ST6GALNAC3: variants seen among roughly 807,000 people sequenced by gnomAD.
ST6GALNAC3 encodes the protein ST6 N-acetylgalactosaminide alpha-2,6-sialyltransferase 3.
ST6GALNAC3 carries 25 observed loss-of-function variants against 32.7 expected under a neutral mutation model. The ratio of observed to expected loss-of-function variants is 0.76; its 90% CI spans 0.56 to 1.07. The LOEUF is 1.07. Ranked by LOEUF, ST6GALNAC3 falls within the 50% of genes least tolerant of loss-of-function variation. The probability of loss-of-function intolerance (pLI) is 0.00; values close to 1 mark genes in which losing one functional copy is unlikely to be tolerated. For missense variants in ST6GALNAC3, 355 were observed against 382.4 expected (o/e 0.93, Z 0.60); for synonymous variants, 129 against 133.1 (o/e 0.97, Z 0.21).
intron 3 of ST6GALNAC3, among the ~76,000 whole-genome samples, chr1:76,499,522 C>T (rs560807933): frequency 1.6e-3 from 236 of 152,230 alleles, no homozygotes; most frequent in Non-Finnish European, 2.4e-3. Flanking sequence ...GCAGCTTCCA[C>T]GTTCTCGGTT....
At chr1:76,309,027 T>C (rs1055564108) in intron 1 of ST6GALNAC3, among the ~76,000 whole-genome samples, 6 of 152,220 alleles carry the variant, frequency 3.9e-5, no homozygotes, top group Admixed American at 2.0e-4. Flanking sequence ...TGGAATGCCC[T>C]TCACATCTTC....
chr1:76,482,393 A>G (rs1659783507), intron 3 of ST6GALNAC3, among the ~76,000 whole-genome samples: 1 of 152,194 alleles, frequency 6.6e-6, no homozygotes, highest in Non-Finnish European at 1.5e-5. Context: ...GAGTATTTTT[A>G]ACACCACAAC....
chr1:76,080,898 A>G (rs1263361898), intron 1 of ST6GALNAC3, among the ~76,000 whole-genome samples: 1 of 152,176 alleles, frequency 6.6e-6, no homozygotes, highest in Non-Finnish European at 1.5e-5. Context: ...GCCTGGCCTA[A>G]TTTCCAGTCT....
chr1:76,423,097 G>A (rs774584539), intron 3 of ST6GALNAC3, among the ~76,000 whole-genome samples: 1 of 151,888 alleles, frequency 6.6e-6, no homozygotes. Context: ...TTGCTCATTA[G>A]GTATTTATTA....
chr1:76,307,961 T>C (rs1661165156), intron 1 of ST6GALNAC3: 2 of 508,126 alleles, frequency 3.9e-6, no homozygotes, highest in Admixed American at 2.0e-5. Context: ...TGCCATGTTT[T>C]TGATGCATAT....
chr1:76,356,434 TAA>T (rs3079481), intron 2 of ST6GALNAC3, among the ~76,000 whole-genome samples: 7 of 120,394 alleles, frequency 5.8e-5, no homozygotes, highest in Admixed American at 9.1e-5. Context: ...ACAGTAGGGT[TAA>T]AAAAAAAAAA....
chr1:76,480,865 T>G (rs1172127389), intron 3 of ST6GALNAC3, among the ~76,000 whole-genome samples: 1 of 152,170 alleles, frequency 6.6e-6, no homozygotes, highest in Non-Finnish European at 1.5e-5. Flanking sequence ...TAGACTCTCC[T>G]CTGATCCTTT....
At chr1:76,426,209 T>C (rs922146419) in intron 3 of ST6GALNAC3, among the ~76,000 whole-genome samples, 1 of 151,910 alleles carries the variant, frequency 6.6e-6, no homozygotes, top group Non-Finnish European at 1.5e-5. Flanking sequence ...TGGCCTGATA[T>C]GTGTTTGCTA....
At chr1:76,563,877 G>A (rs150044470) in intron 3 of ST6GALNAC3, among the ~76,000 whole-genome samples, 176 of 152,224 alleles carry the variant, frequency 1.2e-3, no homozygotes, top group African/African-American at 4.0e-3. Flanking sequence ...TTGGCTAATA[G>A]GCAGTAAATG....
At chr1:76,360,407 G>A (rs935154015) in intron 2 of ST6GALNAC3, among the ~76,000 whole-genome samples, 3 of 152,140 alleles carry the variant, frequency 2.0e-5, no homozygotes, top group Admixed American at 1.3e-4. Flanking sequence ...CAAAGACCAA[G>A]CTTTGTTAAT....
chr1:76,327,200 CT>C (rs962094956), intron 2 of ST6GALNAC3, among the ~76,000 whole-genome samples: 3 of 149,256 alleles, frequency 2.0e-5, no homozygotes, highest in Non-Finnish European at 3.0e-5. Flanking sequence ...CAATTAATTT[CT>C]TTTTTTTCAT....
At chr1:76,092,097 C>A (rs1460042643) in intron 1 of ST6GALNAC3, among the ~76,000 whole-genome samples, 1 of 152,146 alleles carries the variant, frequency 6.6e-6, no homozygotes, top group African/African-American at 2.4e-5. Context: ...AGTCATAAGA[C>A]CATCCTATAG....
At chr1:76,360,321 C>T (rs759685052) in intron 2 of ST6GALNAC3, among the ~76,000 whole-genome samples, 1 of 152,062 alleles carries the variant, frequency 6.6e-6, no homozygotes, top group African/African-American at 2.4e-5. Flanking sequence ...GTTTACAGCT[C>T]TCATGTTGTT....
chr1:76,454,685 C>T (rs1657645960), intron 3 of ST6GALNAC3, among the ~76,000 whole-genome samples: 2 of 152,098 alleles, frequency 1.3e-5, no homozygotes, highest in African/African-American at 4.8e-5. Flanking sequence ...TTATAGGTTA[C>T]CTGGTGCTTT....
At chr1:76,229,700 G>T (rs1656260865) in intron 1 of ST6GALNAC3, among the ~76,000 whole-genome samples, 1 of 152,156 alleles carries the variant, frequency 6.6e-6, no homozygotes. Context: ...TGTTCCTTCA[G>T]GTACATTAGC....
At chr1:76,225,519 A>G (rs1656017189) in intron 1 of ST6GALNAC3, among the ~76,000 whole-genome samples, 1 of 152,046 alleles carries the variant, frequency 6.6e-6, no homozygotes. Context: ...CCCTGCCCCA[A>G]CCCCACCAAC....
intron 3 of ST6GALNAC3, among the ~76,000 whole-genome samples, chr1:76,425,873 G>C (rs74089930): frequency 0.039 from 5,917 of 151,926 alleles, 415 homozygotes; most frequent in African/African-American, 0.14. Context: ...TCACTGTGTT[G>C]CCCACAGCCC....
rs1381751649 is a variant in ST6GALNAC3 at position 76,482,079 on chromosome 1, C to T, written c.623+69662C>T. Among the ~76,000 whole-genome samples, 4 of 152,042 alleles carry T rather than the reference C, an allele frequency of 2.6e-5. No homozygotes were observed. In the East Asian group the frequency reaches 7.7e-4, roughly 29 times the overall value. ...AGAATTTCCTTTAGGAGATGAGACA[C>T]ACCTTTTTATGCTCCAATGAATTAG... On this transcript the variant is annotated intron_variant, in intron 3 of 4. Transcript: ENST00000328299.
At chr1:76,237,503 G>A (rs540728907) in intron 1 of ST6GALNAC3, among the ~76,000 whole-genome samples, 17 of 152,184 alleles carry the variant, frequency 1.1e-4, no homozygotes, top group Non-Finnish European at 2.2e-4. Context: ...TCAAAAAGAT[G>A]AAAGGTTTGA....
Sources: allele counts gnomAD v4.1 joint callset (sites outside exome capture counted in the v4.1 genomes callset), GRCh38; gene constraint gnomAD v4.1.1; transcripts MANE v1.5; gene names NCBI Gene and HGNC (gene_info 2026-07-23, HGNC 2026-07-21).